DHX15: variants seen among roughly 807,000 people sequenced by gnomAD.
The protein encoded by DHX15 is DEAH-box helicase 15.
DHX15 carries 11 observed loss-of-function variants against 94.4 expected under a neutral mutation model. The observed-to-expected ratio is 0.12, with a 90% confidence interval of 0.07 to 0.19. DHX15 has a LOEUF of 0.19. Among genes scored for constraint, DHX15 ranks in the 10% least tolerant of loss-of-function variants. The pLI, the probability that DHX15 is intolerant of heterozygous loss-of-function variation, is 1.00. For synonymous variants in DHX15, 338 were observed against 329.9 expected, an observed-to-expected ratio of 1.02 and a Z score of -0.27; for missense variants, 304 against 988.5, an observed-to-expected ratio of 0.31 and a Z score of 9.29.
intron 3 of DHX15, among the ~76,000 whole-genome samples, chr4:24,568,064 T>C (rs1393114358): frequency 1.3e-5 from 2 of 152,228 alleles, no homozygotes; most frequent in Non-Finnish European, 2.9e-5. Context: ...AACTATCTTA[T>C]AGACCCTTAA....
intron 3 of DHX15, among the ~76,000 whole-genome samples, chr4:24,562,233 A>T (rs934468012): frequency 6.6e-6 from 1 of 152,134 alleles, no homozygotes; most frequent in East Asian, 1.9e-4. Flanking sequence ...CTAAAAGTTA[A>T]AAAAGCATAA....
rs144773585 is a variant in DHX15 at position 24,571,172 on chromosome 4, T to C, written c.508-325A>G. ...CAAATTCTACTTTATAACAAACGTT[T>C]CTAAGAAAGTGTAACTTTTAAATTC... On this transcript the variant is annotated intron_variant, in intron 2 of 13. Coordinates refer to ENST00000336812, the MANE Select transcript of DHX15 (RefSeq NM_001358.3). Among the ~76,000 whole-genome samples the C allele has an allele frequency of 9.9e-3, 1,510 of 152,364 alleles. 85 individuals are homozygous for C. The highest frequency in any genetic ancestry group is 0.088 in the Admixed American group (1,347 of 15,308).
intron 6 of DHX15, among the ~76,000 whole-genome samples, chr4:24,543,966 G>C (rs886474043): frequency 1.3e-5 from 2 of 152,042 alleles, no homozygotes; most frequent in East Asian, 1.9e-4. Flanking sequence ...AAGTGTGAGT[G>C]GCACCAAAGA....
intron 3 of DHX15, 100 bp downstream of exon 3, chr4:24,570,554 A>G (rs999772871): frequency 1.3e-5 from 13 of 1,039,864 alleles, no homozygotes; most frequent in Non-Finnish European, 1.8e-5. Context: ...GGATAATTCT[A>G]AATTTGGATG....
Position 24,541,099 on chromosome 4 carries a change from G to C in DHX15, c.1486-151C>G, listed in dbSNP as rs895885778. Reference sequence around the variant, plus strand: ...AGATAAATACTTGTAGGCTAGACTAGAGAGAAACCATTTTTCTCCAACTAT... The same window carrying C: ...AGATAAATACTTGTAGGCTAGACTACAGAGAAACCATTTTTCTCCAACTAT... On this transcript the variant is annotated intron_variant, in intron 8 of 13. Transcript: ENST00000336812. The C allele has an allele frequency of 9.9e-6, 5 of 502,642 alleles. No homozygotes were observed. In the Admixed American group the frequency reaches 1.2e-4, roughly 12 times the overall value. 31.1% of individuals were successfully genotyped at this position (502,642 alleles called of 1,614,324 possible).
intron 2 of DHX15, among the ~76,000 whole-genome samples, chr4:24,572,720 C>A (rs570900208): frequency 6.6e-6 from 1 of 152,130 alleles, no homozygotes; most frequent in African/African-American, 2.4e-5. Flanking sequence ...TAGAAGAGTG[C>A]GTTTCCTTGT....
chr4:24,534,639 T>A (rs1197205455), intron 11 of DHX15, among the ~76,000 whole-genome samples: 2 of 152,124 alleles, frequency 1.3e-5, no homozygotes, highest in Non-Finnish European at 2.9e-5. Context: ...AAATCTCCCC[T>A]CCCTAGACAG....
At position 24,539,063 on chromosome 4, in the gene DHX15, A is replaced by T. The variant is rs575513375; in HGVS notation, c.1786+1045T>A. The T allele has an allele frequency of 3.9e-5, 6 of 152,274 alleles. 1 individual carries two copies. Among genetic ancestry groups the T allele is most frequent in the African/African-American group, 1.4e-4 (6 of 41,570 alleles). 9.4% of individuals were successfully genotyped at this position (152,274 alleles called of 1,614,324 possible). On this transcript the variant is annotated intron_variant, in intron 10 of 13. Transcript: ENST00000336812. ...GCTACAATTTAATTAAAGTGACTCA[A>T]TACTGCCCTGCCCATCTGCTCTGAG...
chr4:24,561,384 G>C (rs1721869610), intron 3 of DHX15, among the ~76,000 whole-genome samples: 1 of 152,164 alleles, frequency 6.6e-6, no homozygotes, highest in African/African-American at 2.4e-5. Context: ...TTCAGCCATT[G>C]TGGAAAGCAG....
chr4:24,533,304 T>C (rs1721127289), intron 11 of DHX15: 4 of 513,502 alleles, frequency 7.8e-6, no homozygotes, highest in Non-Finnish European at 1.4e-5. Flanking sequence ...ATTAACTGTT[T>C]TTAGTGAATT....
In DHX15 at chr4:24,584,445, T is replaced by C; in HGVS notation, c.-52A>G. 4 of 1,569,538 alleles carry C rather than the reference T, an allele frequency of 2.5e-6. No homozygotes were observed. Among genetic ancestry groups the C allele is most frequent in the Non-Finnish European group, 3.5e-6 (4 of 1,151,340 alleles). ...TTAAGGAAGAAAGCTGGCTGCTGTA[T>C]GGGCACAGTCGAGGACAGCCACTTA... On this transcript the variant is annotated 5_prime_UTR_variant, in exon 1 of 14. Coordinates refer to ENST00000336812, the MANE Select transcript of DHX15 (RefSeq NM_001358.3).
intron 1 of DHX15, among the ~76,000 whole-genome samples, chr4:24,576,912 G>C (rs1722280475): frequency 6.6e-6 from 1 of 151,970 alleles, no homozygotes; most frequent in East Asian, 1.9e-4. Flanking sequence ...TTAACATTAG[G>C]TGAGGTAACA....
intron 3 of DHX15, among the ~76,000 whole-genome samples, chr4:24,567,691 T>C (rs1370595973): frequency 6.6e-6 from 1 of 151,964 alleles, no homozygotes; most frequent in Non-Finnish European, 1.5e-5. Flanking sequence ...TGAATCAAGG[T>C]ATTTTACACT....
At chr4:24,556,960 A>AT (rs1721751196) in intron 3 of DHX15, among the ~76,000 whole-genome samples, 1 of 152,184 alleles carries the variant, frequency 6.6e-6, no homozygotes, top group Non-Finnish European at 1.5e-5. Context: ...CACAAAAGGA[A>AT]TTCAATAATA....
intron 2 of DHX15, 99 bp downstream of exon 2, chr4:24,576,144 T>C: frequency 1.1e-6 from 1 of 932,198 alleles, no homozygotes; most frequent in Non-Finnish European, 1.6e-6. Flanking sequence ...CAAGATGTTC[T>C]ATAGGACAGA....
At chr4:24,531,462 C>G (rs1721082890) in intron 12 of DHX15, among the ~76,000 whole-genome samples, 1 of 152,086 alleles carries the variant, frequency 6.6e-6, no homozygotes, top group Non-Finnish European at 1.5e-5. Context: ...TCTGTAATCT[C>G]AGCACTTTGG....
chr4:24,547,893 G>GTATATATA (rs1403248233), intron 6 of DHX15, among the ~76,000 whole-genome samples: 4 of 66,746 alleles, frequency 6.0e-5, no homozygotes, highest in Admixed American at 2.6e-4. Context: ...CTCTCTCTAT[G>GTATATATA]TATGTATGTG....
At chr4:24,546,659 G>GT (rs1181269536) in intron 6 of DHX15, among the ~76,000 whole-genome samples, 1 of 152,072 alleles carries the variant, frequency 6.6e-6, no homozygotes, top group African/African-American at 2.4e-5. Flanking sequence ...CATTAGTGCT[G>GT]TAACATGTTT....
intron 10 of DHX15, chr4:24,539,815 T>A: frequency 4.6e-6 from 1 of 215,132 alleles, no homozygotes; most frequent in Non-Finnish European, 9.1e-6. Flanking sequence ...ATAGCAGTGA[T>A]GGACCTTTAA....
Sources: allele counts gnomAD v4.1 joint callset (sites outside exome capture counted in the v4.1 genomes callset), GRCh38; gene constraint gnomAD v4.1.1; transcripts MANE v1.5; gene names NCBI Gene and HGNC (gene_info 2026-07-23, HGNC 2026-07-21).